Variants in CREBBP observed in about 807,000 individuals in gnomAD.
CREBBP encodes the protein CREB-binding protein.
CREBBP carries 19 observed loss-of-function variants against 265.0 expected under a neutral mutation model. That is an observed-to-expected ratio of 0.07 (90% CI 0.05 to 0.11). The LOEUF (loss-of-function observed/expected upper bound fraction) is 0.11, where lower values mean the gene tolerates loss of function less well. Ranked by LOEUF, CREBBP falls within the 10% of genes least tolerant of loss-of-function variation. CREBBP has a pLI of 1.00. For synonymous variants in CREBBP, 1,457 were observed against 1,223.7 expected (o/e 1.19, Z -3.98); for missense variants, 2,525 against 3,219.0 (o/e 0.78, Z 5.22).
intron 1 of CREBBP, among the ~76,000 whole-genome samples, chr16:3,858,883 A>C (rs1403424068): frequency 6.6e-6 from 1 of 152,234 alleles, no homozygotes; most frequent in Non-Finnish European, 1.5e-5. Context: ...ATTAAATGGC[A>C]TAATGTAGGA....
At chr16:3,860,899 A>G (rs1049283307) in intron 1 of CREBBP, among the ~76,000 whole-genome samples, 1 of 152,100 alleles carries the variant, frequency 6.6e-6, no homozygotes, top group Admixed American at 6.5e-5. Context: ...TGTAGTGAGA[A>G]GAGTACTCAA....
Position 3,751,746 on chromosome 16 carries a change from G to A in CREBBP, c.3759C>T (p.Asp1253=), listed in dbSNP as rs180677405. The A allele has an allele frequency of 3.2e-5, 52 of 1,614,090 alleles. No homozygotes were observed. The Admixed American group carries it at 3.8e-4, about 12-fold the overall frequency. ...CTTACGTCTGGGGCTGTGAAGGGTCGTCACCCAGGGTCACATTCTCGCCCT... is the reference window on the plus strand; with the variant it reads ...CTTACGTCTGGGGCTGTGAAGGGTCATCACCCAGGGTCACATTCTCGCCCT... The part of the protein sequence containing the change: ...EIQGENVTLG[D]DPSQPQTTIS... The change falls in exon 20 of 31, where the codon GAC becomes GAT. Residue 1253 remains aspartate, a synonymous_variant. Transcript: ENST00000262367.
intron 15 of CREBBP, among the ~76,000 whole-genome samples, chr16:3,768,419 T>C (rs1596880701): frequency 6.6e-6 from 1 of 152,262 alleles, no homozygotes; most frequent in Admixed American, 6.5e-5. Flanking sequence ...AGTGCTGGGA[T>C]TACAGGTGTG....
chr16:3,866,932 T>G (rs927719514), intron 1 of CREBBP, among the ~76,000 whole-genome samples: 6 of 152,212 alleles, frequency 3.9e-5, no homozygotes, highest in African/African-American at 1.4e-4. Flanking sequence ...TGAAGGAACT[T>G]CACTGATTTT....
chr16:3,732,196 G>A (rs2058585714), intron 28 of CREBBP, among the ~76,000 whole-genome samples: 1 of 152,194 alleles, frequency 6.6e-6, no homozygotes, highest in African/African-American at 2.4e-5. Flanking sequence ...CCCAGAGTGC[G>A]AGTTCAGAAA....
At chr16:3,827,978 C>G (rs2054270832) in intron 2 of CREBBP, among the ~76,000 whole-genome samples, 1 of 152,190 alleles carries the variant, frequency 6.6e-6, no homozygotes, top group Non-Finnish European at 1.5e-5. Flanking sequence ...AGGTGTGAAC[C>G]ACTGCACCTG....
chr16:3,851,860 CAAAAAAAAAAAA>C (rs1159688899), intron 1 of CREBBP, among the ~76,000 whole-genome samples: 1 of 28,964 alleles, frequency 3.5e-5, no homozygotes, highest in Non-Finnish European at 7.0e-5. Context: ...GACTCCGTCT[CAAAAAAAAAAAA>C]AAAAAAAGAC....
chr16:3,769,694 G>C (rs768258842), intron 14 of CREBBP, among the ~76,000 whole-genome samples: 29 of 152,148 alleles, frequency 1.9e-4, no homozygotes, highest in African/African-American at 4.8e-5. Flanking sequence ...AATGTGTATG[G>C]TAAAAGGCTG....
At chr16:3,879,261 C>CACAG (rs1555500414) in intron 1 of CREBBP, among the ~76,000 whole-genome samples, 1 of 131,214 alleles carries the variant, frequency 7.6e-6, no homozygotes, top group African/African-American at 2.7e-5. Flanking sequence ...CACACACACA[C>CACAG]AAAACAAGGA....
chr16:3,761,552 T>A lies in CREBBP; in HGVS notation c.3251-2580A>T, dbSNP rs180698437. On this transcript the variant is annotated intron_variant, in intron 16 of 30. Coordinates refer to ENST00000262367, the MANE Select transcript of CREBBP (RefSeq NM_004380.3). ...GAACATGCCTCAGGGCTCATTTCCATCAAAGCCCAGGATACAGACTCTTGA... is the reference window on the plus strand; with the variant it reads ...GAACATGCCTCAGGGCTCATTTCCAACAAAGCCCAGGATACAGACTCTTGA... 5.3e-3 allele frequency: 2,753 copies of A among 518,506 alleles called. 14 individuals are homozygous for A. The highest frequency in any genetic ancestry group is 0.024 in the Middle Eastern group (75 of 3,146). 32.1% of individuals were successfully genotyped at this position (518,506 alleles called of 1,614,324 possible).
In CREBBP at chr16:3,731,710, G is replaced by A. The variant is rs1186738183; in HGVS notation, c.4890+66C>T. ...CAGACCTGCACACGGGCCCACGCCCGCCAGCTGCGAGTCTTTCCCTCCTCC... is the reference window on the plus strand; with the variant it reads ...CAGACCTGCACACGGGCCCACGCCCACCAGCTGCGAGTCTTTCCCTCCTCC... On this transcript the variant is annotated intron_variant, in intron 29 of 30. Transcript: ENST00000262367. This position sits in a 1 kb window ranked among gnomAD's most constrained non-coding sequence, Gnocchi z 7.7. 17 of 1,606,114 alleles carry A rather than the reference G, an allele frequency of 1.1e-5. No individual in the cohort carries two copies. The highest frequency in any genetic ancestry group is 2.2e-5 in the East Asian group (1 of 44,858).
At chr16:3,856,069 C>T (rs898716480) in intron 1 of CREBBP, among the ~76,000 whole-genome samples, 1 of 152,222 alleles carries the variant, frequency 6.6e-6, no homozygotes, top group Non-Finnish European at 1.5e-5. Flanking sequence ...TATACAATCA[C>T]ATGTCAACTA....
chr16:3,879,431 G>A (rs2055474981), intron 1 of CREBBP, among the ~76,000 whole-genome samples: 1 of 152,160 alleles, frequency 6.6e-6, no homozygotes, highest in South Asian at 2.1e-4. Context: ...CTTTGGCCGC[G>A]ATCTTGCTTT....
intron 3 of CREBBP, among the ~76,000 whole-genome samples, chr16:3,796,189 T>TA (rs1225628017): frequency 2.0e-4 from 30 of 152,214 alleles, no homozygotes; most frequent in African/African-American, 6.8e-4. Context: ...AAGTAAATTA[T>TA]AACCAGACTG....
intron 1 of CREBBP, among the ~76,000 whole-genome samples, chr16:3,855,421 C>T (rs936054112): frequency 6.6e-6 from 1 of 152,162 alleles, no homozygotes; most frequent in Non-Finnish European, 1.5e-5. Context: ...TGCACCACCG[C>T]ACCCGGCTAA....
intron 1 of CREBBP, among the ~76,000 whole-genome samples, chr16:3,858,580 C>G (rs1162787383): frequency 3.9e-5 from 6 of 152,230 alleles, no homozygotes; most frequent in African/African-American, 1.4e-4. Context: ...TTCGTATGTA[C>G]TAGGCACTCA....
intron 3 of CREBBP, among the ~76,000 whole-genome samples, chr16:3,800,265 G>A (rs1440577874): frequency 1.3e-5 from 2 of 152,140 alleles, no homozygotes; most frequent in East Asian, 1.9e-4. Flanking sequence ...TGACAAGTGT[G>A]CATCACGACG....
chr16:3,809,467 C>T (rs1375219699), intron 3 of CREBBP, among the ~76,000 whole-genome samples: 5 of 152,104 alleles, frequency 3.3e-5, no homozygotes, highest in Admixed American at 6.6e-5. Flanking sequence ...TGAGCCACCA[C>T]GCCCGGCCTC....
chr16:3,773,951 C>G (rs1337273623), intron 12 of CREBBP, 21 bp from the exon 13 acceptor site: 1 of 1,612,006 alleles, frequency 6.2e-7, no homozygotes, highest in South Asian at 1.1e-5. Context: ...ACAAGCACCA[C>G]CAGAGCTGTA....
Sources: gnomAD v4.1 joint callset for allele counts (sites outside exome capture counted in the v4.1 genomes callset) on GRCh38, gnomAD v4.1.1 for gene constraint, Gnocchi (gnomAD v3.1) non-coding constraint, MANE v1.5 for transcripts, NCBI Gene and HGNC (gene_info 2026-07-23, HGNC 2026-07-21) for gene names.